PCDHGA1: variants seen among roughly 807,000 people sequenced by gnomAD.
The protein encoded by PCDHGA1 is protocadherin gamma-A1.
PCDHGA1 carries 32 observed loss-of-function variants against 58.0 expected under a neutral mutation model. The ratio of observed to expected loss-of-function variants is 0.55; its 90% CI spans 0.42 to 0.74. PCDHGA1 has a LOEUF of 0.74. Among genes scored for constraint, PCDHGA1 ranks in the 30% least tolerant of loss-of-function variants. The pLI is 0.00. For missense variants in PCDHGA1, 1,205 were observed against 1,182.3 expected, an observed-to-expected ratio of 1.02 and a Z score of -0.28; for synonymous variants, 498 against 501.1, an observed-to-expected ratio of 0.99 and a Z score of 0.08.
intron 1 of PCDHGA1, among the ~76,000 whole-genome samples, chr5:141,455,406 CAG>C (rs1306843200): frequency 3.3e-5 from 5 of 152,226 alleles, no homozygotes; most frequent in Non-Finnish European, 5.9e-5. Flanking sequence ...CTTACAGAGA[CAG>C]AGGGAGCGGG....
chr5:141,413,711 A>G (rs752076648), intron 1 of PCDHGA1: 199 of 1,613,564 alleles, frequency 1.2e-4, no homozygotes, highest in Non-Finnish European at 1.4e-4. Context: ...CTCAGCCCCA[A>G]TAAGCACTTC....
chr5:141,350,092 G>T (rs1057336491), intron 1 of PCDHGA1: 2 of 457,886 alleles, frequency 4.4e-6, no homozygotes, highest in African/African-American at 2.0e-5. Flanking sequence ...GGAGCGTCAG[G>T]CAGGGTGCCT....
In PCDHGA1 at chr5:141,485,935, C is replaced by T. The variant is rs2099621642; in HGVS notation, c.2422-8872C>T. The T allele has an allele frequency of 6.2e-7, 1 of 1,614,026 alleles. No homozygotes were observed. Among genetic ancestry groups the T allele is most frequent in the Non-Finnish European group, 8.5e-7 (1 of 1,180,038 alleles). On this transcript the variant is annotated intron_variant, in intron 1 of 3. Coordinates refer to ENST00000517417, the MANE Select transcript of PCDHGA1 (RefSeq NM_018912.3). The surrounding 1 kb of genome is among the most constrained non-coding windows in gnomAD (Gnocchi z 5.7). Reference sequence around the variant, plus strand: ...GCTACAGGATTAGTGTGTTGGAGAGCGCACCAGCGGGCATGGTGCTCATCC... The same window carrying T: ...GCTACAGGATTAGTGTGTTGGAGAGTGCACCAGCGGGCATGGTGCTCATCC...
At chr5:141,393,168 G>T (rs1486915956) in intron 1 of PCDHGA1, 1 of 1,613,100 alleles carries the variant, frequency 6.2e-7, no homozygotes, top group Non-Finnish European at 8.5e-7. Context: ...ACTCTTTGGG[G>T]TAGAAATAGA....
chr5:141,408,372 G>A, intron 1 of PCDHGA1: 2 of 1,614,024 alleles, frequency 1.2e-6, no homozygotes, highest in African/African-American at 1.3e-5. Flanking sequence ...CTAGGGCTCA[G>A]TGTCCTGGAT....
At chr5:141,364,355 G>T in intron 1 of PCDHGA1, 1 of 1,555,424 alleles carries the variant, frequency 6.4e-7, no homozygotes, top group Non-Finnish European at 8.7e-7. Context: ...TAGGGGCTGG[G>T]GCTGCGGAGA....
chr5:141,458,421 G>T (rs1294502132), intron 1 of PCDHGA1, among the ~76,000 whole-genome samples: 1 of 152,114 alleles, frequency 6.6e-6, no homozygotes, highest in African/African-American at 2.4e-5. Context: ...GGGTTCCAAA[G>T]CTGAAAGAGG....
In PCDHGA1 at chr5:141,382,776, A is replaced by G. The variant is rs572614689; in HGVS notation, c.2421+49671A>G. 9.9e-6 allele frequency: 8 copies of G among 809,846 alleles called. No individual in the cohort carries two copies. The Admixed American group carries it at 2.0e-4, about 21-fold the overall frequency. 50.2% of individuals were successfully genotyped at this position (809,846 alleles called of 1,614,324 possible). The stretch of plus-strand genomic sequence containing the variant: ...TAAGCCCTCTTCCAGGCTGCACTAA[A>G]CTCAAGCCTCTATCCTGCTGGATTC... On this transcript the variant is annotated intron_variant, in intron 1 of 3. Transcript: ENST00000517417.
At chr5:141,383,926 A>T in intron 1 of PCDHGA1, 1 of 1,613,888 alleles carries the variant, frequency 6.2e-7, no homozygotes. Flanking sequence ...TGTAAATGAT[A>T]ATGCTCCAGA....
rs778271895 is a variant in PCDHGA1 at position 141,404,140 on chromosome 5, T to C, written c.2421+71035T>C. ...AGAATCTATCTTTTACATTAGAAAA[T>C]TCAGAAGAAGATTATTACAGATTGT... On this transcript the variant is annotated intron_variant, in intron 1 of 3. Coordinates refer to ENST00000517417, the MANE Select transcript of PCDHGA1 (RefSeq NM_018912.3). The C allele has an allele frequency of 8.1e-6, 13 of 1,612,934 alleles. No homozygotes were observed. The South Asian group carries it at 1.3e-4, about 16-fold the overall frequency.
intron 2 of PCDHGA1, among the ~76,000 whole-genome samples, chr5:141,502,829 C>A (rs1034808123): frequency 2.0e-5 from 3 of 150,428 alleles, no homozygotes; most frequent in African/African-American, 7.4e-5. Context: ...CTTGGGGAAG[C>A]CTGGACTGGC....
Position 141,478,415 on chromosome 5 carries a change from C to A in PCDHGA1, c.2422-16392C>A, listed in dbSNP as rs182700706. 5.6e-6 allele frequency: 9 copies of A among 1,613,648 alleles called. No homozygotes were observed. In the East Asian group the frequency reaches 2.0e-4, roughly 36 times the overall value. ...TCAGGTGTATCTCACCACGGACTCC[C>A]GCCGCAGCGACCCGCTGCTGAAGAA... On this transcript the variant is annotated intron_variant, in intron 1 of 3. Coordinates refer to ENST00000517417, the MANE Select transcript of PCDHGA1 (RefSeq NM_018912.3).
chr5:141,511,632 G>A lies in PCDHGA1; in HGVS notation c.*459G>A, dbSNP rs1388627906. The A allele has an allele frequency of 8.6e-6, 2 of 231,934 alleles. No homozygotes were observed. The highest frequency in any genetic ancestry group is 5.1e-5 in the Admixed American group (1 of 19,634). 14.4% of individuals were successfully genotyped at this position (231,934 alleles called of 1,614,324 possible). A position where few individuals can be genotyped will look rare whatever the true frequency, so the allele number is the denominator to read the frequency against. On this transcript the variant is annotated 3_prime_UTR_variant, in exon 4 of 4. Transcript: ENST00000517417. ...CCTCCTAGTTCTGAAAAGTTGGAAG[G>A]GCATCATGACCTCTTGGCCTCTCCT...
intron 1 of PCDHGA1, chr5:141,357,104 G>A: frequency 6.2e-7 from 1 of 1,613,888 alleles, no homozygotes; most frequent in South Asian, 1.1e-5. Flanking sequence ...CTGCTGGACA[G>A]AGACGCGCTC....
At chr5:141,497,956 C>T (rs2099780659) in intron 2 of PCDHGA1, among the ~76,000 whole-genome samples, 1 of 152,214 alleles carries the variant, frequency 6.6e-6, no homozygotes, top group African/African-American at 2.4e-5. Flanking sequence ...TTCTGTTGGC[C>T]AGGCAGTGTT....
chr5:141,375,417 C>T, intron 1 of PCDHGA1: 3 of 1,613,976 alleles, frequency 1.9e-6, no homozygotes, highest in Non-Finnish European at 2.5e-6. Context: ...GTGGCAGACA[C>T]CAACGACAAC....
Position 141,332,855 on chromosome 5 carries a change from T to C in PCDHGA1, c.2171T>C (p.Leu724Pro), listed in dbSNP as rs150021187. ...CTGCGGCGCTGGCACAAGTCACGTCTGCTACAGGCTTCGGGAGGCGGCTTA... is the reference window on the plus strand; with the variant it reads ...CTGCGGCGCTGGCACAAGTCACGTCCGCTACAGGCTTCGGGAGGCGGCTTA... ...HRLRRWHKSR[L>P]LQASGGGLAS... is the part of the protein sequence containing the mutation. Residue 724 changes from leucine (L) to proline (P), a missense_variant, in exon 1 of 4, where the codon CTG becomes CCG. Physicochemically the swap from Leu to Pro is moderately conservative, Grantham distance 98 (BLOSUM62 -3). Transcript: ENST00000517417. The surrounding 1 kb of genome is among the most constrained non-coding windows in gnomAD (Gnocchi z 4.6). The C allele has an allele frequency of 9.9e-6, 16 of 1,614,258 alleles. No homozygotes were observed. Among genetic ancestry groups the C allele is most frequent in the Non-Finnish European group, 1.4e-5 (16 of 1,180,044 alleles).
At position 141,430,782 on chromosome 5, in the gene PCDHGA1, G is replaced by C. The variant is rs1220976669; in HGVS notation, c.2422-64025G>C. 2.0e-6 allele frequency: 3 copies of C among 1,510,858 alleles called. No individual in the cohort carries two copies. The East Asian group carries it at 6.9e-5, about 35-fold the overall frequency. 93.6% of individuals were successfully genotyped at this position (1,510,858 alleles called of 1,614,324 possible). A position where few individuals can be genotyped will look rare whatever the true frequency, so the allele number is the denominator to read the frequency against. ...AGAATGATTCCTGCGCGACTGCACC[G>C]GGACTACAAAGGGCTTGTCCTGCTG... On this transcript the variant is annotated intron_variant, in intron 1 of 3. Coordinates refer to ENST00000517417, the MANE Select transcript of PCDHGA1 (RefSeq NM_018912.3).
chr5:141,392,145 C>T (rs2150471723), intron 1 of PCDHGA1: 1 of 152,264 alleles, frequency 6.6e-6, no homozygotes, highest in East Asian at 1.9e-4. Context: ...GTAGTTTAAA[C>T]CAAATAAAAC....
Sources: allele counts gnomAD v4.1 joint callset (sites outside exome capture counted in the v4.1 genomes callset), GRCh38; gene constraint gnomAD v4.1.1; non-coding constraint Gnocchi (gnomAD v3.1); transcripts MANE v1.5; gene names NCBI Gene and HGNC (gene_info 2026-07-23, HGNC 2026-07-21).